Variants in ATAD3B observed in about 807,000 individuals in gnomAD.
The protein encoded by ATAD3B is ATPase family AAA domain containing 3B.
A neutral mutation model predicts 70.2 loss-of-function variants in ATAD3B; 59 were observed. The observed-to-expected ratio is 0.84, with a 90% CI of 0.68 to 1.04. The LOEUF (loss-of-function observed/expected upper bound fraction) is 1.04, where lower values mean the gene tolerates loss of function less well. Ranked by LOEUF, ATAD3B falls within the 50% of genes least tolerant of loss-of-function variation. The probability of loss-of-function intolerance (pLI) is 0.00; values close to 1 mark genes in which losing one functional copy is unlikely to be tolerated. For synonymous variants in ATAD3B, 423 were observed against 388.6 expected (o/e 1.09, Z -1.04); for missense variants, 961 against 913.4 (o/e 1.05, Z -0.67).
chr1:1,499,992 G>A (rs545597180), downstream of ATAD3B, among the ~76,000 whole-genome samples: 1 of 151,416 alleles, frequency 6.6e-6, no homozygotes, highest in East Asian at 2.0e-4. Context: ...CCGCCTCCCG[G>A]GTTCAAGCCA....
At position 1,489,422 on chromosome 1, in the gene ATAD3B, C is replaced by G. The variant is rs753334446; in HGVS notation, c.1337+148C>G. ...CAGATGTCCCCTGGGAACGGCCCAG[C>G]TCGGGACAGCACGGGGTGTCATTGA... On this transcript the variant is annotated intron_variant, in intron 13 of 15. Coordinates refer to ENST00000673477, the MANE Select transcript of ATAD3B (RefSeq NM_031921.6). 129 of 1,387,506 alleles carry G rather than the reference C, an allele frequency of 9.3e-5. 1 individual carries two copies. The highest frequency in any genetic ancestry group is 1.2e-4 in the Non-Finnish European group (126 of 1,014,844). The allele number at this position is 1,387,506 out of a possible 1,614,324, so 85.9% of individuals were successfully genotyped here. A position where few individuals can be genotyped will look rare whatever the true frequency, so the allele number is the denominator to read the frequency against.
At chr1:1,472,360 G>A (rs190009463) in intron 1 of ATAD3B, among the ~76,000 whole-genome samples, 2,352 of 152,036 alleles carry the variant, frequency 0.015, 45 homozygotes, top group Admixed American at 0.039. Context: ...TCAGGGTCTG[G>A]GGCTGGCCGT....
rs1318428613 is a variant in ATAD3B at position 1,489,593 on chromosome 1, C to G, written c.1337+319C>G. On this transcript the variant is annotated intron_variant, in intron 13 of 15. Coordinates refer to ENST00000673477, the MANE Select transcript of ATAD3B (RefSeq NM_031921.6). ...GGGAGGTGGTCTGATTGCTGCCGCC[C>G]AGAGGTCCCCAGTAGGGTGACCGGC... is the stretch of plus-strand genomic sequence containing the variant. The G allele has an allele frequency of 3.4e-6, 4 of 1,184,738 alleles. No individual in the cohort carries two copies. The African/African-American group carries it at 6.5e-5, about 19-fold the overall frequency. 73.4% of individuals were successfully genotyped at this position (1,184,738 alleles called of 1,614,324 possible). A position where few individuals can be genotyped will look rare whatever the true frequency, so the allele number is the denominator to read the frequency against.
chr1:1,490,442 C>G lies in ATAD3B; in HGVS notation c.1505+18C>G. 1 of 1,612,912 alleles carries G rather than the reference C, an allele frequency of 6.2e-7. No homozygotes were observed. The highest frequency in any genetic ancestry group is 8.5e-7 in the Non-Finnish European group (1 of 1,179,486). On this transcript the variant is annotated intron_variant, in intron 14 of 15. Transcript: ENST00000673477. ...GGAAAACGGTGAGTGTCCCGCCTCACCCGGCCCCCAATCCAGGCACCATAT... is the reference window on the plus strand; with the variant it reads ...GGAAAACGGTGAGTGTCCCGCCTCAGCCGGCCCCCAATCCAGGCACCATAT...
At chr1:1,486,929 G>A (rs1403995320) in intron 11 of ATAD3B, among the ~76,000 whole-genome samples, 2 of 151,030 alleles carry the variant, frequency 1.3e-5, no homozygotes, top group African/African-American at 4.9e-5. Flanking sequence ...GGTGCAGGGG[G>A]AGAGGGGTCT....
At chr1:1,493,798 TTAAC>T (rs1261590434) in intron 15 of ATAD3B, among the ~76,000 whole-genome samples, 3 of 151,900 alleles carry the variant, frequency 2.0e-5, no homozygotes, top group African/African-American at 7.2e-5. Flanking sequence ...GTAGAGTCCT[TTAAC>T]TATACTGCTA....
chr1:1,507,266 A>G, the ATAD3B span, among the ~76,000 whole-genome samples: 1 of 152,186 alleles, frequency 6.6e-6, no homozygotes, highest in Non-Finnish European at 1.5e-5. Context: ...CTCAGAGGAA[A>G]AGCTTCCAGT....
At chr1:1,483,137 A>G (rs1229693731) in intron 7 of ATAD3B, 3 of 399,762 alleles carry the variant, frequency 7.5e-6, no homozygotes, top group South Asian at 3.5e-5. Flanking sequence ...TAAAAAAAAG[A>G]AAAAAAAAGA....
intron 15 of ATAD3B, among the ~76,000 whole-genome samples, chr1:1,493,003 C>T (rs1181934995): frequency 2.0e-5 from 3 of 151,516 alleles, no homozygotes; most frequent in African/African-American, 7.3e-5. Flanking sequence ...CCCAGCTGCT[C>T]GGGAGGCTGA....
In ATAD3B at chr1:1,490,378, C is replaced by G. The variant is rs757878402; in HGVS notation, c.1459C>G (p.Leu487Val). The G allele has an allele frequency of 1.9e-6, 3 of 1,613,502 alleles. No individual in the cohort carries two copies. Among genetic ancestry groups the G allele is most frequent in the East Asian group, 4.5e-5 (2 of 44,874 alleles). Residue 487 changes from leucine to valine, a missense_variant, in exon 14 of 16, where the codon CTG becomes GTG. Physicochemically the swap from Leu to Val is conservative, Grantham distance 32. Transcript: ENST00000673477. ...GGAGGAGCGGGAGCGCCTGGTGAGA[C>G]TGCATTTTGACAACTGTGTTCTTAA... ...QQEERERLVR[L>V]HFDNCVLKPA...
intron 7 of ATAD3B, 93 bp downstream of exon 7, chr1:1,482,707 C>G (rs777575259): frequency 5.7e-6 from 9 of 1,587,768 alleles, no homozygotes; most frequent in Non-Finnish European, 7.8e-6. Flanking sequence ...GCCGGCTCTG[C>G]ACAGCCCTGT....
In ATAD3B at chr1:1,475,653, A is replaced by G. The variant is rs1025848964; in HGVS notation, c.206-1621A>G. On this transcript the variant is annotated intron_variant, in intron 1 of 15. Transcript: ENST00000673477. The stretch of plus-strand genomic sequence containing the variant: ...TATCCCAGAACTGTCTGTGAGCACC[A>G]GCGCTCGCCCTGCACTCCACAGAGG... Among the ~76,000 whole-genome samples, 16 of 148,458 alleles carry G rather than the reference A, an allele frequency of 1.1e-4. 1 individual carries two copies. Among genetic ancestry groups the G allele is most frequent in the African/African-American group, 3.7e-4 (14 of 38,160 alleles).
At position 1,490,349 on chromosome 1, in the gene ATAD3B, A is replaced by G. The variant is rs767603289; in HGVS notation, c.1430A>G (p.Gln477Arg). 5 of 1,613,458 alleles carry G rather than the reference A, an allele frequency of 3.1e-6. No homozygotes were observed. The highest frequency in any genetic ancestry group is 4.2e-6 in the Non-Finnish European group (5 of 1,179,712). The stretch of plus-strand genomic sequence containing the variant: ...GTGATGGTCCACTTCGACCTGCCGC[A>G]GCAGGAGGAGCGGGAGCGCCTGGTG... ...IDVMVHFDLP[Q>R]QEERERLVRL... is the part of the protein sequence containing the mutation. The change falls in exon 14 of 16, where the codon CAG becomes CGG. Residue 477 changes from glutamine (Q) to arginine (R), a missense_variant. Around this residue, in one of 4 missense-constraint regions of ATAD3B, gnomAD observed 417 missense variants for 335.0 expected, o/e 1.24. Coordinates refer to ENST00000673477, the MANE Select transcript of ATAD3B (RefSeq NM_031921.6).
chr1:1,491,486 G>A (rs1179031526), intron 15 of ATAD3B, among the ~76,000 whole-genome samples: 2 of 151,876 alleles, frequency 1.3e-5, no homozygotes, highest in Non-Finnish European at 2.9e-5. Context: ...AGCCAAGATC[G>A]CACCACCGCA....
rs1291621228 is a variant in ATAD3B at position 1,486,577 on chromosome 1, A to G, written c.1123A>G (p.Ile375Val). 5 of 1,611,724 alleles carry G rather than the reference A, an allele frequency of 3.1e-6. No individual in the cohort carries two copies. The highest frequency in any genetic ancestry group is 1.4e-5 in the African/African-American group (1 of 73,838). The change falls in exon 11 of 16, where the codon ATC becomes GTC. Residue 375 changes from isoleucine to valine, a missense_variant. Physicochemically the swap from Ile to Val is conservative, Grantham distance 29. This residue lies in a region of ATAD3B where 349 missense variants were observed against 307.5 expected (regional missense o/e 1.14). Transcript: ENST00000673477. Reference protein sequence around the residue: ...LALHSGMDYAIMTGGDVAPMG... With the variant: ...LALHSGMDYAVMTGGDVAPMG... ...CCTGCACTCAGGCATGGACTACGCC[A>G]TCATGACAGGCGGGGACGTGGCCCC...
chr1:1,488,947 C>G (rs1285849959), intron 12 of ATAD3B, among the ~76,000 whole-genome samples: 1 of 151,694 alleles, frequency 6.6e-6, no homozygotes, highest in Non-Finnish European at 1.5e-5. Context: ...ATTTCTAGTA[C>G]AGATGGGGTC....
intron 13 of ATAD3B, chr1:1,489,603 C>CAGT (rs1048211322): frequency 8.0e-7 from 1 of 1,252,476 alleles, no homozygotes; most frequent in Non-Finnish European, 1.1e-6. Flanking sequence ...CAGAGGTCCC[C>CAGT]AGTAGGGTGA....
At position 1,486,151 on chromosome 1, in the gene ATAD3B, C is replaced by G. The variant is rs819976; in HGVS notation, c.1005C>G (p.Thr335=). The stretch of plus-strand genomic sequence containing the variant: ...GGGTGCGCGACATCGCCATAGCAAC[C>G]AGGAACACCAAGAAGAACCGGGGCC... ...EARVRDIAIA[T]RNTKKNRGLY... is the part of the protein sequence containing the mutation. The change falls in exon 10 of 16, where the codon ACC becomes ACG. Residue 335 remains threonine (T), a synonymous_variant. Transcript: ENST00000673477. The G allele has an allele frequency of 1.2e-6, 2 of 1,612,886 alleles. No individual in the cohort carries two copies. The highest frequency in any genetic ancestry group is 2.2e-5 in the East Asian group (1 of 44,818).
chr1:1,499,266 C>A (rs1048444411), downstream of ATAD3B, among the ~76,000 whole-genome samples: 4 of 150,042 alleles, frequency 2.7e-5, no homozygotes, highest in Non-Finnish European at 5.9e-5. Context: ...CCAGTGCGCC[C>A]GGCCTGGAAT....
Sources: allele counts gnomAD v4.1 joint callset (sites outside exome capture counted in the v4.1 genomes callset), GRCh38; gene constraint gnomAD v4.1.1; regional missense constraint gnomAD v4.1.1; transcripts MANE v1.5; gene names NCBI Gene and HGNC (gene_info 2026-07-23, HGNC 2026-07-21).